The following ASB4 variants were observed in gnomAD, a reference collection of about 807,000 sequenced individuals.
The protein encoded by ASB4 is ankyrin repeat and SOCS box protein 4.
ASB4 carries 35 observed loss-of-function variants against 38.6 expected under a neutral mutation model. The observed-to-expected ratio is 0.91, with a 90% CI of 0.69 to 1.20. ASB4 has a LOEUF of 1.20. Ranked by LOEUF, ASB4 falls within the 50% of genes most tolerant of loss-of-function variation. The pLI is 0.00. For missense variants in ASB4, 557 were observed against 527.2 expected (o/e 1.06, Z -0.55); for synonymous variants, 195 against 201.3 (o/e 0.97, Z 0.26).
chr7:95,541,398 C>A (rs1298791347), downstream of ASB4, among the ~76,000 whole-genome samples: 1 of 152,150 alleles, frequency 6.6e-6, no homozygotes, highest in Non-Finnish European at 1.5e-5. Flanking sequence ...GATAGGCTCC[C>A]ACCAGTGGAG....
chr7:95,527,688 G>A, intron 2 of ASB4, 125 bp from the exon 3 acceptor site: 1 of 974,156 alleles, frequency 1.0e-6, no homozygotes, highest in Non-Finnish European at 1.5e-6. Context: ...GGGGTTGAGG[G>A]TTGGGGATAA....
intron 2 of ASB4, among the ~76,000 whole-genome samples, chr7:95,515,227 TTCTTTTTCTTTCTTTCTTTCTTTCCTTC>T (rs1790550312): frequency 5.5e-5 from 7 of 126,300 alleles, no homozygotes; most frequent in South Asian, 5.0e-4. Context: ...CTTTCTTTCT[TTCTTTTTCTTTCTTTCTTTCTTTCCTTC>T]TTTCTTTCTT....
upstream of ASB4, among the ~76,000 whole-genome samples, chr7:95,483,128 G>A (rs577741952): frequency 2.6e-5 from 4 of 152,292 alleles, no homozygotes; most frequent in African/African-American, 9.6e-5. Flanking sequence ...TAGCCAGATA[G>A]GACCAAGTAA....
chr7:95,518,011 A>G (rs1011130126), intron 2 of ASB4, among the ~76,000 whole-genome samples: 1 of 152,228 alleles, frequency 6.6e-6, no homozygotes, highest in African/African-American at 2.4e-5. Flanking sequence ...GATCAATTGC[A>G]AAGAGGAAGG....
chr7:95,495,604 A>G (rs2116589159), intron 1 of ASB4, among the ~76,000 whole-genome samples, 154 bp from the exon 2 acceptor site: 1 of 152,266 alleles, frequency 6.6e-6, no homozygotes, highest in South Asian at 2.1e-4. Flanking sequence ...TTGCAGACCC[A>G]TTAGCTATTA....
At position 95,536,445 on chromosome 7, in the gene ASB4, G is replaced by T. The variant is rs771031112; in HGVS notation, c.987G>T (p.Gln329His). The change falls in exon 4 of 5, where the codon CAG becomes CAT. Residue 329 changes from glutamine (Q) to histidine (H), a missense_variant. By Grantham distance (24) the Gln-to-His change is conservative. Coordinates refer to ENST00000325885, the MANE Select transcript of ASB4 (RefSeq NM_016116.3). ...IYPPQFHKVIQACHSCPKAIE... is the reference protein window; with the variant it reads ...IYPPQFHKVIHACHSCPKAIE... ...CTGTGCTTCCTCTGCAGGTGATACA[G>T]GCCTGCCATTCTTGTCCTAAAGCAA... The T allele has an allele frequency of 2.5e-6, 4 of 1,608,006 alleles. No individual in the cohort carries two copies. The highest frequency in any genetic ancestry group is 3.4e-6 in the Non-Finnish European group (4 of 1,174,866).
upstream of ASB4, among the ~76,000 whole-genome samples, chr7:95,476,041 T>C (rs1053060215): frequency 3.3e-5 from 5 of 152,356 alleles, no homozygotes; most frequent in South Asian, 2.1e-4. Context: ...CCGAATGGTG[T>C]GATCTTTCCT....
Position 95,513,022 on chromosome 7 carries a change from C to A in ASB4, c.488-14791C>A, listed in dbSNP as rs186134857. On this transcript the variant is annotated intron_variant, in intron 2 of 4. Transcript: ENST00000325885. Reference sequence around the variant, plus strand: ...GTCATGTCTCTTTAAAATCAGGGACCTTTTTTGGCTATAGTTAGAGGAAAT... The same window carrying A: ...GTCATGTCTCTTTAAAATCAGGGACATTTTTTGGCTATAGTTAGAGGAAAT... Among the ~76,000 whole-genome samples, 626 of 152,036 alleles carry A rather than the reference C, an allele frequency of 4.1e-3. 2 individuals carry two copies. The highest frequency in any genetic ancestry group is 0.014 in the Middle Eastern group (4 of 294).
chr7:95,541,322 A>G (rs1242312989), downstream of ASB4, among the ~76,000 whole-genome samples: 1 of 152,246 alleles, frequency 6.6e-6, no homozygotes, highest in African/African-American at 2.4e-5. Context: ...AGAGCAGACC[A>G]TGACACTCAG....
chr7:95,507,820 C>A (rs1381705089), intron 2 of ASB4, among the ~76,000 whole-genome samples: 8 of 152,104 alleles, frequency 5.3e-5, no homozygotes, highest in Non-Finnish European at 1.2e-4. Context: ...AGGGAGAAGT[C>A]AGAAGTGTTA....
At chr7:95,545,076 G>A (rs1282797853), downstream of ASB4, among the ~76,000 whole-genome samples, 1 of 150,088 alleles carries the variant, frequency 6.7e-6, no homozygotes, top group Non-Finnish European at 1.5e-5. Flanking sequence ...TAACTGCAAC[G>A]ATTTTCCCGT....
intron 2 of ASB4, among the ~76,000 whole-genome samples, chr7:95,510,740 C>A (rs1486168553): frequency 6.6e-6 from 1 of 152,198 alleles, no homozygotes; most frequent in African/African-American, 2.4e-5. Flanking sequence ...CTCTGACCCA[C>A]TCTCTTTAAA....
the ASB4 span, among the ~76,000 whole-genome samples, chr7:95,471,019 T>G: frequency 6.6e-6 from 1 of 152,178 alleles, no homozygotes; most frequent in Non-Finnish European, 1.5e-5. Context: ...CAGTCATCCT[T>G]GATGCCTGAA....
At chr7:95,518,306 G>T (rs527548004) in intron 2 of ASB4, among the ~76,000 whole-genome samples, 2 of 152,350 alleles carry the variant, frequency 1.3e-5, no homozygotes, top group South Asian at 4.1e-4. Context: ...CTTAGACAAT[G>T]AAAAGTCCAT....
chr7:95,504,963 A>T (rs1790387696), intron 2 of ASB4, among the ~76,000 whole-genome samples: 1 of 152,126 alleles, frequency 6.6e-6, no homozygotes, highest in Non-Finnish European at 1.5e-5. Context: ...ATCATACCAC[A>T]CTTCAGGAAA....
chr7:95,515,248 TTTCC>T lies in ASB4; in HGVS notation c.488-12561_488-12558del, dbSNP rs1562817120. The stretch of plus-strand genomic sequence containing the variant: ...TTCTTTCTTTTTCTTTCTTTCTTTC[TTTCC>T]TTCTTTCTTTCTTTCTCTTTCTTTC... On this transcript the variant is annotated intron_variant, in intron 2 of 4. Coordinates refer to ENST00000325885, the MANE Select transcript of ASB4 (RefSeq NM_016116.3). Among the ~76,000 whole-genome samples, 353 of 126,072 alleles carry T rather than the reference TTTCC, an allele frequency of 2.8e-3. 5 individuals carry two copies. Among genetic ancestry groups the T allele is most frequent in the Non-Finnish European group, 4.6e-3 (267 of 57,876 alleles). The allele number at this position is 126,072 out of a possible 152,430, so 82.7% of individuals were successfully genotyped here. A position where few individuals can be genotyped will look rare whatever the true frequency, so the allele number is the denominator to read the frequency against.
Position 95,539,141 on chromosome 7 carries a change from G to A in ASB4, c.*1382G>A, listed in dbSNP as rs1007978335. 6.6e-6 allele frequency: 1 copy of A among 152,102 alleles called. No homozygotes were observed. Among genetic ancestry groups the A allele is most frequent in the Non-Finnish European group, 1.5e-5 (1 of 68,022 alleles). 9.4% of individuals were successfully genotyped at this position (152,102 alleles called of 1,614,324 possible). A position where few individuals can be genotyped will look rare whatever the true frequency, so the allele number is the denominator to read the frequency against. On this transcript the variant is annotated 3_prime_UTR_variant, in exon 5 of 5. Transcript: ENST00000325885. ...TTAGCATCATTTTTTAGAGGTTAAA[G>A]CAGAAGTAAATTGCAAACAAATCTG...
upstream of ASB4, among the ~76,000 whole-genome samples, chr7:95,478,244 T>C (rs986916641): frequency 6.6e-6 from 1 of 152,170 alleles, no homozygotes; most frequent in Non-Finnish European, 1.5e-5. Flanking sequence ...TATGGTAAAT[T>C]ATTCCCTCGA....
At chr7:95,490,176 G>A (rs1213017114) in intron 1 of ASB4, among the ~76,000 whole-genome samples, 1 of 152,078 alleles carries the variant, frequency 6.6e-6, no homozygotes, top group African/African-American at 2.4e-5. Flanking sequence ...AAACTTTCTG[G>A]CAGGTACTCT....
Sources: allele counts gnomAD v4.1 joint callset (sites outside exome capture counted in the v4.1 genomes callset), GRCh38; gene constraint gnomAD v4.1.1; transcripts MANE v1.5; gene names NCBI Gene and HGNC (gene_info 2026-07-23, HGNC 2026-07-21).